The following SDK1 variants were observed in gnomAD, a reference collection of about 807,000 sequenced individuals.
SDK1 encodes sidekick cell adhesion molecule 1.
Under a neutral mutation model 245.5 loss-of-function variants are expected in SDK1, and 157 were observed. That is an observed-to-expected ratio of 0.64 (90% CI 0.56 to 0.73). SDK1 has a LOEUF of 0.73. Among genes scored for constraint, SDK1 ranks in the 30% least tolerant of loss-of-function variants. The probability of loss-of-function intolerance (pLI) is 0.00; values close to 1 mark genes in which losing one functional copy is unlikely to be tolerated. For synonymous variants in SDK1, 1,647 were observed against 1,278.5 expected, an observed-to-expected ratio of 1.29 and a Z score of -6.15; for missense variants, 3,583 against 3,002.3, an observed-to-expected ratio of 1.19 and a Z score of -4.52.
chr7:4,166,178 C>A (rs902244488), intron 32 of SDK1, among the ~76,000 whole-genome samples: 5 of 152,228 alleles, frequency 3.3e-5, no homozygotes, highest in Non-Finnish European at 5.9e-5. Context: ...TAAAAGGCAC[C>A]TTCCCAGAGG....
intron 14 of SDK1, among the ~76,000 whole-genome samples, chr7:3,989,821 C>A (rs754379789): frequency 2.0e-5 from 3 of 152,224 alleles, no homozygotes; most frequent in Non-Finnish European, 4.4e-5. Context: ...TGGGGGTTCC[C>A]TTCTGATAAT....
chr7:4,122,316 G>A (rs891069647), intron 25 of SDK1, among the ~76,000 whole-genome samples: 3 of 152,136 alleles, frequency 2.0e-5, no homozygotes, highest in African/African-American at 7.2e-5. Flanking sequence ...TTTGAAATGG[G>A]GGGAGGCAGG....
intron 4 of SDK1, among the ~76,000 whole-genome samples, chr7:3,670,383 C>A (rs554260796): frequency 6.6e-6 from 1 of 152,276 alleles, no homozygotes; most frequent in African/African-American, 2.4e-5. Flanking sequence ...TCTTAGTTTC[C>A]CGGATCAGAT....
chr7:4,019,827 A>C (rs1005142112), intron 17 of SDK1, among the ~76,000 whole-genome samples: 2 of 148,716 alleles, frequency 1.3e-5, no homozygotes, highest in African/African-American at 2.5e-5. Context: ...CTGCCTCGGC[A>C]CTCCTGGGAG....
chr7:3,521,535 T>C lies in SDK1; in HGVS notation c.299-97545T>C, dbSNP rs775586653. Among the ~76,000 whole-genome samples the C allele has an allele frequency of 1.9e-3, 289 of 152,278 alleles. 2 individuals carry two copies. Among genetic ancestry groups the C allele is most frequent in the Non-Finnish European group, 2.2e-3 (148 of 68,024 alleles). On this transcript the variant is annotated intron_variant, in intron 1 of 44. Transcript: ENST00000404826. ...TGGTAAAAAACTAACTGGGAACTTGTGATAAGCACTTATGTTAGTGTTTTA... is the reference window on the plus strand; with the variant it reads ...TGGTAAAAAACTAACTGGGAACTTGCGATAAGCACTTATGTTAGTGTTTTA...
intron 1 of SDK1, among the ~76,000 whole-genome samples, chr7:3,599,598 G>A (rs746044309): frequency 3.3e-4 from 50 of 152,082 alleles, no homozygotes; most frequent in East Asian, 1.7e-3. Context: ...ATGGTTCTAC[G>A]TTTAAGTTCC....
intron 1 of SDK1, among the ~76,000 whole-genome samples, chr7:3,522,704 C>G (rs893446323): frequency 6.6e-6 from 1 of 152,070 alleles, no homozygotes; most frequent in Non-Finnish European, 1.5e-5. Context: ...AACCGGGGGA[C>G]GTGCTATCCT....
At chr7:3,921,942 G>A (rs1002313890) in intron 5 of SDK1, among the ~76,000 whole-genome samples, 27 of 152,214 alleles carry the variant, frequency 1.8e-4, no homozygotes, top group African/African-American at 6.3e-4. Context: ...CTCCAGCCTG[G>A]GCAACAGAGT....
intron 4 of SDK1, among the ~76,000 whole-genome samples, chr7:3,800,854 C>T (rs111390162): frequency 3.3e-5 from 5 of 152,230 alleles, no homozygotes; most frequent in Admixed American, 1.3e-4. Flanking sequence ...GCATTGGAAG[C>T]CCGGGTATAC....
chr7:3,561,898 C>G (rs955762515), intron 1 of SDK1, among the ~76,000 whole-genome samples: 1 of 152,154 alleles, frequency 6.6e-6, no homozygotes, highest in South Asian at 2.1e-4. Flanking sequence ...ATTTCACTTT[C>G]TTTTCTAAGT....
chr7:4,203,387 C>G (rs910114200), intron 35 of SDK1, among the ~76,000 whole-genome samples: 3 of 152,182 alleles, frequency 2.0e-5, no homozygotes, highest in African/African-American at 7.2e-5. Flanking sequence ...GCGATGGCAT[C>G]GTAGCCTTAG....
intron 20 of SDK1, 74 bp from the exon 21 acceptor site, chr7:4,076,924 G>A (rs960678997): frequency 1.6e-5 from 21 of 1,323,092 alleles, no homozygotes; most frequent in African/African-American, 1.0e-4. Flanking sequence ...AGCCTGCAAC[G>A]ATGGTGCTGT....
At chr7:4,191,180 T>C (rs1340820786) in intron 35 of SDK1, among the ~76,000 whole-genome samples, 1 of 151,756 alleles carries the variant, frequency 6.6e-6, no homozygotes, top group Admixed American at 6.6e-5. Context: ...ACAGTGGGTG[T>C]CCTCATGGCC....
At chr7:3,913,208 G>C (rs927146902) in intron 5 of SDK1, among the ~76,000 whole-genome samples, 4 of 152,022 alleles carry the variant, frequency 2.6e-5, no homozygotes, top group Admixed American at 6.5e-5. Flanking sequence ...CGCGCTAAGC[G>C]TACCTGGTTC....
At chr7:3,340,959 C>G (rs1260937909) in intron 1 of SDK1, among the ~76,000 whole-genome samples, 1 of 152,090 alleles carries the variant, frequency 6.6e-6, no homozygotes, top group East Asian at 1.9e-4. Context: ...CACTTTTATT[C>G]AGTCTCTTCT....
chr7:4,205,958 C>G lies in SDK1; in HGVS notation c.5178C>G (p.Pro1726=). ...SQLEVTWDPP[P]PESQNGNIQG... ...TGGAGGTCACGTGGGACCCACCACC[C>G]CCGGAGAGCCAGAATGGGAACATCC... Residue 1726 remains proline, a synonymous_variant, in exon 36 of 45, where the codon CCC becomes CCG. Transcript: ENST00000404826. 6.4e-7 allele frequency: 1 copy of G among 1,560,838 alleles called. No homozygotes were observed. Among genetic ancestry groups the G allele is most frequent in the Non-Finnish European group, 8.7e-7 (1 of 1,152,074 alleles).
rs112222268 is a variant in SDK1, at chr7:3,876,095, G to A, written c.847+54512G>A. On this transcript the variant is annotated intron_variant, in intron 5 of 44. Coordinates refer to ENST00000404826, the MANE Select transcript of SDK1 (RefSeq NM_152744.4). ...TGCAGGTGCTCTGGCCAGAACTGCTGTGGTGTGAGTCAGGCACTAGTCTGC... is the reference window on the plus strand; with the variant it reads ...TGCAGGTGCTCTGGCCAGAACTGCTATGGTGTGAGTCAGGCACTAGTCTGC... Among the ~76,000 whole-genome samples, 36 of 152,294 alleles carry A rather than the reference G, an allele frequency of 2.4e-4. 1 individual carries two copies. The highest frequency in any genetic ancestry group is 7.5e-4 in the African/African-American group (31 of 41,568).
intron 41 of SDK1, among the ~76,000 whole-genome samples, chr7:4,235,998 A>G (rs1442939106): frequency 6.6e-6 from 1 of 152,250 alleles, no homozygotes; most frequent in East Asian, 1.9e-4. Flanking sequence ...TGGAGTACCA[A>G]ATGCGCAGCC....
chr7:3,722,883 T>C (rs1412150000), intron 4 of SDK1, among the ~76,000 whole-genome samples: 1 of 152,224 alleles, frequency 6.6e-6, no homozygotes, highest in Non-Finnish European at 1.5e-5. Flanking sequence ...TCTCAGGACA[T>C]ATGCTTTCCC....
Sources: gnomAD v4.1 joint callset for allele counts (sites outside exome capture counted in the v4.1 genomes callset) on GRCh38, gnomAD v4.1.1 for gene constraint, MANE v1.5 for transcripts, NCBI Gene and HGNC (gene_info 2026-07-23, HGNC 2026-07-21) for gene names.